C9: variants seen among roughly 807,000 people sequenced by gnomAD.
C9 encodes the protein complement C9.
Under a neutral mutation model 65.4 loss-of-function variants are expected in C9, and 63 were observed. The ratio of observed to expected loss-of-function variants is 0.96; its 90% CI spans 0.79 to 1.19. The LOEUF is 1.19. C9 is among the 50% of genes most tolerant of loss of function. The pLI is 0.00. For missense variants in C9, 744 were observed against 670.1 expected (o/e 1.11, Z -1.22); for synonymous variants, 229 against 227.9 (o/e 1.00, Z -0.04).
At chr5:39,334,792 C>T (rs1240476789) in intron 4 of C9, among the ~76,000 whole-genome samples, 3 of 151,628 alleles carry the variant, frequency 2.0e-5, no homozygotes, top group Non-Finnish European at 4.4e-5. Flanking sequence ...CCCCTCTGCC[C>T]GGCCGCCACC....
At chr5:39,341,974 C>A (rs1754095676) in intron 2 of C9, 117 bp downstream of exon 2, 1 of 760,794 alleles carries the variant, frequency 1.3e-6, no homozygotes, top group African/African-American at 1.7e-5. Context: ...GTTTATCTCT[C>A]TTTCTGGGTT....
At chr5:39,334,759 C>A (rs13176403) in intron 4 of C9, among the ~76,000 whole-genome samples, 42,196 of 150,776 alleles carry the variant, frequency 0.28, 7,010 homozygotes, top group Non-Finnish European at 0.37. Flanking sequence ...TCTGCCCGGC[C>A]GCCCCTACTG....
intron 9 of C9, among the ~76,000 whole-genome samples, chr5:39,292,051 G>A (rs1164297802): frequency 1.3e-5 from 2 of 151,742 alleles, no homozygotes; most frequent in Non-Finnish European, 2.9e-5. Flanking sequence ...GAATGTGATT[G>A]TGGCAGAAGA....
intron 1 of C9, among the ~76,000 whole-genome samples, chr5:39,361,649 G>T (rs374354997): frequency 6.6e-6 from 1 of 152,114 alleles, no homozygotes; most frequent in Non-Finnish European, 1.5e-5. Flanking sequence ...AGCTGGGATC[G>T]AACCCAGGCC....
intron 5 of C9, among the ~76,000 whole-genome samples, chr5:39,329,188 T>C (rs28410945): frequency 0.03 from 4,559 of 152,258 alleles, 211 homozygotes; most frequent in African/African-American, 0.1. Context: ...CCTTTTTACT[T>C]CTACAGTTGT....
chr5:39,287,878 G>A (rs1483435727), intron 10 of C9, among the ~76,000 whole-genome samples: 1 of 151,850 alleles, frequency 6.6e-6, no homozygotes, highest in Non-Finnish European at 1.5e-5. Flanking sequence ...TGGGTACAAT[G>A]TTCACTATTT....
chr5:39,303,884 G>A (rs1400180426), intron 9 of C9, among the ~76,000 whole-genome samples: 1 of 152,098 alleles, frequency 6.6e-6, no homozygotes, highest in Non-Finnish European at 1.5e-5. Context: ...GCCTTGTGTT[G>A]AGACGGTGCT....
intron 4 of C9, among the ~76,000 whole-genome samples, chr5:39,340,151 G>A (rs1754048431): frequency 6.6e-6 from 1 of 152,098 alleles, no homozygotes; most frequent in South Asian, 2.1e-4. Context: ...AGTAGTTAAA[G>A]GATATTCATT....
intron 1 of C9, among the ~76,000 whole-genome samples, chr5:39,346,271 T>A (rs944248664): frequency 5.9e-5 from 9 of 152,020 alleles, no homozygotes; most frequent in African/African-American, 2.2e-4. Flanking sequence ...GATAGACCAC[T>A]AGCAAGACTA....
intron 4 of C9, among the ~76,000 whole-genome samples, chr5:39,333,663 C>A (rs570618019): frequency 1.0e-5 from 1 of 99,916 alleles, no homozygotes; most frequent in African/African-American, 3.1e-5. Context: ...TCATGCCGAG[C>A]GGCAGCTGGA....
chr5:39,347,866 C>A (rs1259413967), intron 1 of C9, among the ~76,000 whole-genome samples: 1 of 151,962 alleles, frequency 6.6e-6, no homozygotes, highest in Non-Finnish European at 1.5e-5. Context: ...AATAATACCA[C>A]ACATCTACAA....
intron 10 of C9, among the ~76,000 whole-genome samples, chr5:39,286,277 C>A (rs550186851): frequency 7.9e-5 from 12 of 151,950 alleles, no homozygotes; most frequent in East Asian, 1.9e-4. Context: ...ATAATTCCCA[C>A]CAAAAACTAA....
rs374347119 is a variant in C9, at chr5:39,315,534, G to C, written c.870+241C>G. ...ATTACCACAATCTCAGTCAAAAAAT[G>C]CTCTAAATTCTTAATACGCATTTTC... On this transcript the variant is annotated intron_variant, in intron 6 of 10. Coordinates refer to ENST00000263408, the MANE Select transcript of C9 (RefSeq NM_001737.5). Among the ~76,000 whole-genome samples the C allele has an allele frequency of 5.9e-5, 9 of 152,154 alleles. No homozygotes were observed. In the East Asian group the frequency reaches 1.2e-3, roughly 20 times the overall value.
At chr5:39,363,424 C>T (rs1179990340) in intron 1 of C9, among the ~76,000 whole-genome samples, 1 of 152,172 alleles carries the variant, frequency 6.6e-6, no homozygotes, top group Non-Finnish European at 1.5e-5. Context: ...CAAATATGTA[C>T]TGGAGACGGG....
chr5:39,360,093 A>G (rs1017212259), intron 1 of C9, among the ~76,000 whole-genome samples: 1 of 152,206 alleles, frequency 6.6e-6, no homozygotes, highest in Non-Finnish European at 1.5e-5. Flanking sequence ...CTTTTCTATT[A>G]ATGAATGTTT....
At chr5:39,338,480 C>T (rs1226148142) in intron 4 of C9, among the ~76,000 whole-genome samples, 1 of 152,070 alleles carries the variant, frequency 6.6e-6, no homozygotes, top group African/African-American at 2.4e-5. Context: ...AACAATCTCC[C>T]AGTATTATTT....
chr5:39,326,627 G>T (rs1753751413), intron 5 of C9, among the ~76,000 whole-genome samples: 1 of 152,174 alleles, frequency 6.6e-6, no homozygotes, highest in Non-Finnish European at 1.5e-5. Context: ...CCCTGCCTAT[G>T]ACTTCAACCC....
chr5:39,328,213 A>C (rs185557231), intron 5 of C9, among the ~76,000 whole-genome samples: 137 of 152,346 alleles, frequency 9.0e-4, no homozygotes, highest in Admixed American at 2.9e-3. Flanking sequence ...AGTACACAGA[A>C]TAACTTTGAA....
intron 4 of C9, among the ~76,000 whole-genome samples, chr5:39,340,877 CTT>C (rs1754063880): frequency 6.6e-6 from 1 of 152,192 alleles, no homozygotes; most frequent in African/African-American, 2.4e-5. Context: ...GATTTCATCT[CTT>C]GCTCCACTGA....
Sources: gnomAD v4.1 joint callset for allele counts (sites outside exome capture counted in the v4.1 genomes callset) on GRCh38, gnomAD v4.1.1 for gene constraint, MANE v1.5 for transcripts, NCBI Gene and HGNC (gene_info 2026-07-23, HGNC 2026-07-21) for gene names.